ACTN1: variants seen among roughly 807,000 people sequenced by gnomAD.
ACTN1 encodes the protein alpha-actinin-1.
ACTN1 carries 30 observed loss-of-function variants against 119.6 expected under a neutral mutation model. The observed-to-expected ratio is 0.25, with a 90% CI of 0.19 to 0.34. The LOEUF is 0.34. ACTN1 is among the 10% of genes least tolerant of loss of function. The probability of loss-of-function intolerance (pLI) is 1.00; values close to 1 mark genes in which losing one functional copy is unlikely to be tolerated. For synonymous variants in ACTN1, 429 were observed against 472.6 expected (o/e 0.91, Z 1.20); for missense variants, 764 against 1,223.4 (o/e 0.62, Z 5.60).
chr14:68,975,852 C>A (rs909649126), intron 1 of ACTN1, among the ~76,000 whole-genome samples: 1 of 152,216 alleles, frequency 6.6e-6, no homozygotes, highest in Non-Finnish European at 1.5e-5. Context: ...GCCAGTGCAG[C>A]TTCTTGAGTC....
chr14:68,893,520 C>T, intron 9 of ACTN1, 135 bp downstream of exon 9: 2 of 804,458 alleles, frequency 2.5e-6, no homozygotes, highest in Non-Finnish European at 3.8e-6. Context: ...AGAGCTCAGG[C>T]TGCCCTGGAC....
intron 1 of ACTN1, among the ~76,000 whole-genome samples, chr14:68,933,413 G>A (rs2035327107): frequency 6.6e-6 from 1 of 151,876 alleles, no homozygotes; most frequent in South Asian, 2.1e-4. Context: ...TGGGATTACA[G>A]GCATGAGCCA....
chr14:68,878,896 G>T lies in ACTN1; in HGVS notation c.2361+93C>A. On this transcript the variant is annotated intron_variant, in intron 19 of 21. Coordinates refer to ENST00000394419, the MANE Select transcript of ACTN1 (RefSeq NM_001130004.2). This position sits in a 1 kb window ranked among gnomAD's most constrained non-coding sequence, Gnocchi z 4.4. ...CCCATGGCCCACAGGAGGGGGACAG[G>T]AGATCCAGACAGAGAGAAGAGAAAA... 6.2e-7 allele frequency: 1 copy of T among 1,602,448 alleles called. No homozygotes were observed.
At chr14:68,954,442 C>T (rs1232012271) in intron 1 of ACTN1, among the ~76,000 whole-genome samples, 2 of 152,132 alleles carry the variant, frequency 1.3e-5, no homozygotes, top group Admixed American at 1.3e-4. Context: ...GTTCTCCTGC[C>T]TCAGCCTCCC....
At chr14:68,896,743 G>A (rs2032909354) in intron 8 of ACTN1, among the ~76,000 whole-genome samples, 1 of 152,190 alleles carries the variant, frequency 6.6e-6, no homozygotes, top group Admixed American at 6.5e-5. Flanking sequence ...TATTCCTGAA[G>A]AGGAGATGGG....
chr14:68,928,466 G>A lies in ACTN1; in HGVS notation c.106-2794C>T, dbSNP rs115214698. Among the ~76,000 whole-genome samples, 863 of 152,250 alleles carry A rather than the reference G, an allele frequency of 5.7e-3. 5 individuals are homozygous for A. The highest frequency in any genetic ancestry group is 0.02 in the African/African-American group (817 of 41,548). On this transcript the variant is annotated intron_variant, in intron 1 of 21. Transcript: ENST00000394419. ...AGCAGCCACCGCAAAGTTTAGGCTA[G>A]AGGAGGAAATGGTGGCTGTGACCCG...
intron 1 of ACTN1, among the ~76,000 whole-genome samples, chr14:68,943,514 T>A (rs2035833010): frequency 6.6e-6 from 1 of 152,116 alleles, no homozygotes; most frequent in Non-Finnish European, 1.5e-5. Flanking sequence ...CCTGGGGTGC[T>A]TTCGGCTCCC....
intron 3 of ACTN1, among the ~76,000 whole-genome samples, chr14:68,918,102 C>A (rs780184886): frequency 6.6e-6 from 1 of 152,146 alleles, no homozygotes; most frequent in Admixed American, 6.5e-5. Flanking sequence ...TTTTCAAAAT[C>A]TTTAGAGAAG....
intron 8 of ACTN1, among the ~76,000 whole-genome samples, chr14:68,895,575 GT>G (rs909646089): frequency 2.0e-5 from 3 of 152,134 alleles, no homozygotes; most frequent in Non-Finnish European, 4.4e-5. Flanking sequence ...CCAGGCTGAT[GT>G]TTTTGTGAGG....
intron 21 of ACTN1, among the ~76,000 whole-genome samples, chr14:68,876,042 G>C (rs973234906): frequency 1.3e-5 from 2 of 152,062 alleles, no homozygotes; most frequent in Admixed American, 6.5e-5. Context: ...TGTCACCCAG[G>C]CTGGAGTGCA....
intron 1 of ACTN1, among the ~76,000 whole-genome samples, chr14:68,955,652 G>A (rs1375121993): frequency 6.6e-6 from 1 of 152,228 alleles, no homozygotes; most frequent in Non-Finnish European, 1.5e-5. Context: ...GCTGAGCAGG[G>A]TGAGAGGGAT....
chr14:68,890,431 G>A, intron 10 of ACTN1, 145 bp from the exon 11 acceptor site: 2 of 975,774 alleles, frequency 2.0e-6, no homozygotes, highest in Non-Finnish European at 2.9e-6. Flanking sequence ...TAGCCAGGCT[G>A]CCCCACCATA....
chr14:68,878,611 G>C lies in ACTN1; in HGVS notation c.2362-88C>G, dbSNP rs1157163460. On this transcript the variant is annotated intron_variant, in intron 19 of 21. Coordinates refer to ENST00000394419, the MANE Select transcript of ACTN1 (RefSeq NM_001130004.2). This position sits in a 1 kb window ranked among gnomAD's most constrained non-coding sequence, Gnocchi z 4.4. ...GCCCGGGGCCAGGAAGACAGGAACA[G>C]ATGGCCAGAACGGGGATGAGATTTA... 6.3e-7 allele frequency: 1 copy of C among 1,589,708 alleles called. No individual in the cohort carries two copies. The highest frequency in any genetic ancestry group is 8.6e-7 in the Non-Finnish European group (1 of 1,168,002).
intron 8 of ACTN1, among the ~76,000 whole-genome samples, chr14:68,895,109 C>T (rs1373123936): frequency 6.6e-6 from 1 of 151,964 alleles, no homozygotes; most frequent in Non-Finnish European, 1.5e-5. Flanking sequence ...GGAGGCATGA[C>T]CTGCAGAGCA....
At position 68,885,605 on chromosome 14, in the gene ACTN1, C is replaced by G. The variant is rs753761244; in HGVS notation, c.1235-30G>C. 7 of 1,606,220 alleles carry G rather than the reference C, an allele frequency of 4.4e-6. No homozygotes were observed. The highest frequency in any genetic ancestry group is 2.7e-5 in the African/African-American group (2 of 74,888). On this transcript the variant is annotated intron_variant, in intron 11 of 21. Transcript: ENST00000394419. The surrounding 1 kb of genome is among the most constrained non-coding windows in gnomAD (Gnocchi z 5.6). ...GTTGAGAGAGGGCCACATGGCTGAG[C>G]TGGAGTGAGAAGCATCTCCTTGGTC...
chr14:68,912,472 G>C (rs546680060), intron 3 of ACTN1, among the ~76,000 whole-genome samples: 1 of 152,108 alleles, frequency 6.6e-6, no homozygotes, highest in African/African-American at 2.4e-5. Context: ...TCCAAATCCT[G>C]GGCTCAAGCG....
chr14:68,953,471 G>A (rs1235090595), intron 1 of ACTN1, among the ~76,000 whole-genome samples: 1 of 152,196 alleles, frequency 6.6e-6, no homozygotes, highest in African/African-American at 2.4e-5. Context: ...CTTAAGCTCA[G>A]AGGACCACAT....
chr14:68,912,125 G>T, intron 4 of ACTN1, 31 bp downstream of exon 4: 1 of 1,605,422 alleles, frequency 6.2e-7, no homozygotes, highest in Non-Finnish European at 8.5e-7. Context: ...ACGAGATGGT[G>T]ATGGCGGGAT....
chr14:68,977,960 G>A (rs1330379041), intron 1 of ACTN1: 1 of 456,064 alleles, frequency 2.2e-6, no homozygotes, highest in Non-Finnish European at 4.4e-6. Flanking sequence ...CGCGCAGGCA[G>A]GAAGCAGCGG....
Sources: allele counts gnomAD v4.1 joint callset (sites outside exome capture counted in the v4.1 genomes callset), GRCh38; gene constraint gnomAD v4.1.1; non-coding constraint Gnocchi (gnomAD v3.1); transcripts MANE v1.5; gene names NCBI Gene and HGNC (gene_info 2026-07-23, HGNC 2026-07-21).